PLPP4: variants seen among roughly 807,000 people sequenced by gnomAD.
PLPP4 encodes diacylglycerol pyrophosphate like 2.
PLPP4 carries 20 observed loss-of-function variants against 32.2 expected under a neutral mutation model. The observed-to-expected ratio is 0.62, with a 90% CI of 0.44 to 0.90. The LOEUF (loss-of-function observed/expected upper bound fraction) is 0.90, where lower values mean the gene tolerates loss of function less well. Among genes scored for constraint, PLPP4 ranks in the 40% least tolerant of loss-of-function variants. PLPP4 has a pLI of 0.00. For synonymous variants in PLPP4, 127 were observed against 133.0 expected (o/e 0.95, Z 0.31); for missense variants, 257 against 353.1 (o/e 0.73, Z 2.18).
At chr10:120,466,875 A>G (rs1848346662) in intron 1 of PLPP4, among the ~76,000 whole-genome samples, 1 of 151,472 alleles carries the variant, frequency 6.6e-6, no homozygotes, top group African/African-American at 2.4e-5. Flanking sequence ...TCCTTCCTCC[A>G]CCTCCCTCCT....
intron 5 of PLPP4, among the ~76,000 whole-genome samples, chr10:120,560,143 C>T (rs1177624793): frequency 1.3e-5 from 2 of 152,018 alleles, no homozygotes; most frequent in Non-Finnish European, 2.9e-5. Context: ...ATGTTGTAAA[C>T]CTTGAATAAC....
intron 3 of PLPP4, among the ~76,000 whole-genome samples, chr10:120,517,694 ATT>A (rs1845987393): frequency 6.6e-6 from 1 of 151,830 alleles, no homozygotes; most frequent in Admixed American, 6.6e-5. Context: ...TGTCCCTCCC[ATT>A]CTTTCTGCTT....
chr10:120,549,450 C>A (rs960866044), intron 5 of PLPP4, among the ~76,000 whole-genome samples: 1 of 151,612 alleles, frequency 6.6e-6, no homozygotes, highest in African/African-American at 2.4e-5. Context: ...CAAATGTTAA[C>A]CTTACCTAAA....
chr10:120,586,516 C>T (rs1000935510), intron 6 of PLPP4, among the ~76,000 whole-genome samples: 1 of 152,112 alleles, frequency 6.6e-6, no homozygotes, highest in Non-Finnish European at 1.5e-5. Flanking sequence ...GGAACACTTA[C>T]ATAACAAGGC....
chr10:120,580,840 TC>T (rs1589927658), intron 6 of PLPP4: 1 of 1,266,898 alleles, frequency 7.9e-7, no homozygotes, highest in East Asian at 5.6e-5. Context: ...ACACTGAAAT[TC>T]TCCCTCTAAT....
Position 120,586,201 on chromosome 10 carries a change from CT to C in PLPP4, c.617-3100del, listed in dbSNP as rs1849750468. Among the ~76,000 whole-genome samples, 4 of 148,230 alleles carry C rather than the reference CT, an allele frequency of 2.7e-5. No individual in the cohort carries two copies. The South Asian group carries it at 8.5e-4, about 31-fold the overall frequency. On this transcript the variant is annotated intron_variant, in intron 6 of 6. Transcript: ENST00000398250. ...CTGGGCTGGAGCGCAGTGGTACGAT[CT>C]TGGCTCACTGCAACCTCCACCTCCC...
At chr10:120,552,924 T>C (rs1847977511) in intron 5 of PLPP4, among the ~76,000 whole-genome samples, 1 of 152,234 alleles carries the variant, frequency 6.6e-6, no homozygotes, top group Admixed American at 6.5e-5. Context: ...GAGACTCTGC[T>C]GCTGACTGAC....
chr10:120,471,435 A>T (rs1848513199), intron 1 of PLPP4, among the ~76,000 whole-genome samples: 1 of 151,854 alleles, frequency 6.6e-6, no homozygotes, highest in Non-Finnish European at 1.5e-5. Flanking sequence ...ATTTCTAATT[A>T]GTATTCTTAA....
At chr10:120,530,667 A>G (rs1846662647) in intron 5 of PLPP4, among the ~76,000 whole-genome samples, 1 of 152,126 alleles carries the variant, frequency 6.6e-6, no homozygotes, top group South Asian at 2.1e-4. Context: ...TTGGCTAAGT[A>G]TCTATGAGTG....
chr10:120,482,338 G>C (rs924053498), intron 1 of PLPP4, among the ~76,000 whole-genome samples: 14 of 152,194 alleles, frequency 9.2e-5, no homozygotes, highest in Admixed American at 5.2e-4. Context: ...GGCTGAGGTG[G>C]TCTCAGATGG....
chr10:120,457,158 TGCCCCCGCCCGGCGCCCGCCTCC>T (rs1053066088), upstream of PLPP4: 79 of 368,272 alleles, frequency 2.1e-4, 1 homozygote, highest in East Asian at 3.6e-3. Flanking sequence ...CCCCGGCGCC[TGCCCCCGCCCGGCGCCCGCCTCC>T]GCCCCCGCCC....
intron 6 of PLPP4, among the ~76,000 whole-genome samples, chr10:120,579,603 G>A (rs1295052665): frequency 6.6e-6 from 1 of 152,156 alleles, no homozygotes; most frequent in Non-Finnish European, 1.5e-5. Flanking sequence ...AAGAAGCCCA[G>A]GCAGAAGCTA....
At chr10:120,545,582 C>T (rs1258817611) in intron 5 of PLPP4, among the ~76,000 whole-genome samples, 1 of 152,150 alleles carries the variant, frequency 6.6e-6, no homozygotes, top group African/African-American at 2.4e-5. Flanking sequence ...GGCTCAGAGA[C>T]CTCACTTGTC....
In PLPP4 at chr10:120,465,039, A is replaced by G. The variant is rs1407177896; in HGVS notation, c.56+7678A>G. Reference sequence around the variant, plus strand: ...CACTGCAAAAGAAGCATATGGTTTCATAACTTGTGGATAAAGGTATCTCAA... The same window carrying G: ...CACTGCAAAAGAAGCATATGGTTTCGTAACTTGTGGATAAAGGTATCTCAA... On this transcript the variant is annotated intron_variant, in intron 1 of 6. Coordinates refer to ENST00000398250, the MANE Select transcript of PLPP4 (RefSeq NM_001030059.3). Among the ~76,000 whole-genome samples the G allele has an allele frequency of 6.5e-4, 99 of 152,264 alleles. 3 individuals are homozygous for G. The highest frequency in any genetic ancestry group is 6.5e-3 in the Admixed American group (99 of 15,290).
chr10:120,550,090 A>G (rs1847817984), intron 5 of PLPP4, among the ~76,000 whole-genome samples: 1 of 151,986 alleles, frequency 6.6e-6, no homozygotes, highest in Non-Finnish European at 1.5e-5. Context: ...AAGATCTACA[A>G]AATGTATTAG....
intron 1 of PLPP4, among the ~76,000 whole-genome samples, chr10:120,478,943 C>A (rs1366090589): frequency 6.6e-6 from 1 of 152,194 alleles, no homozygotes; most frequent in Non-Finnish European, 1.5e-5. Flanking sequence ...AGTCAAAAAA[C>A]TGGCTGGGCG....
intron 5 of PLPP4, among the ~76,000 whole-genome samples, chr10:120,530,411 A>G (rs1406264645): frequency 6.6e-6 from 1 of 152,100 alleles, no homozygotes; most frequent in Non-Finnish European, 1.5e-5. Flanking sequence ...ATGGAGTCAT[A>G]TAGTATGTGC....
chr10:120,515,601 G>A (rs1354568466), intron 3 of PLPP4, among the ~76,000 whole-genome samples: 1 of 152,196 alleles, frequency 6.6e-6, no homozygotes, highest in Admixed American at 6.5e-5. Context: ...ACCGCAGGCT[G>A]CCCTTGTGTG....
chr10:120,522,078 G>A (rs1034743892), intron 5 of PLPP4, among the ~76,000 whole-genome samples: 1 of 152,094 alleles, frequency 6.6e-6, no homozygotes, highest in Non-Finnish European at 1.5e-5. Context: ...GATGATTCCT[G>A]GGATAATTGG....
Sources: gnomAD v4.1 joint callset for allele counts (sites outside exome capture counted in the v4.1 genomes callset) on GRCh38, gnomAD v4.1.1 for gene constraint, MANE v1.5 for transcripts, NCBI Gene and HGNC (gene_info 2026-07-23, HGNC 2026-07-21) for gene names.